The following MAPK4 variants were observed in gnomAD, a reference collection of about 807,000 sequenced individuals.
MAPK4 encodes Erk3-related.
In MAPK4, 22 loss-of-function variants were observed where a neutral mutation model predicts 47.7. That is an observed-to-expected ratio of 0.46 (90% CI 0.33 to 0.66). MAPK4 has a LOEUF of 0.66. Ranked by LOEUF, MAPK4 falls within the 30% of genes least tolerant of loss-of-function variation. The pLI is 0.02. For missense variants in MAPK4, 736 were observed against 831.7 expected (o/e 0.88, Z 1.42); for synonymous variants, 390 against 365.7 (o/e 1.07, Z -0.76).
At position 50,678,555 on chromosome 18, in the gene MAPK4, C is replaced by T. The variant is rs891572476; in HGVS notation, c.546+14051C>T. Among the ~76,000 whole-genome samples the T allele has an allele frequency of 2.0e-5, 3 of 152,316 alleles. No homozygotes were observed. The highest frequency in any genetic ancestry group is 2.1e-4 in the South Asian group (1 of 4,820). On this transcript the variant is annotated intron_variant, in intron 2 of 5. Transcript: ENST00000400384. This position sits in a 1 kb window ranked among gnomAD's most constrained non-coding sequence, Gnocchi z 4.2. ...AGGTGTTCACTCAAGGGTCCACCAG[C>T]GACTTCCCTGTTCAGGCACTCAGAG...
intron 1 of MAPK4, among the ~76,000 whole-genome samples, chr18:50,655,108 A>G (rs1490034817): frequency 1.3e-5 from 2 of 152,176 alleles, no homozygotes; most frequent in African/African-American, 2.4e-5. Flanking sequence ...GTGTCCCCAC[A>G]GGCGTGTTCT....
At chr18:50,570,539 T>G (rs1484978248) in intron 1 of MAPK4, among the ~76,000 whole-genome samples, 1 of 152,160 alleles carries the variant, frequency 6.6e-6, no homozygotes, top group East Asian at 1.9e-4. Context: ...CCATTCAAAC[T>G]GGACCCCAAA....
At chr18:50,726,303 T>C in intron 5 of MAPK4, 128 bp downstream of exon 5, 1 of 845,498 alleles carries the variant, frequency 1.2e-6, no homozygotes, top group Non-Finnish European at 1.9e-6. Flanking sequence ...TTCTCCAGCT[T>C]AGCTTCCTGC....
chr18:50,610,135 G>A (rs1214125028), intron 1 of MAPK4, among the ~76,000 whole-genome samples: 2 of 152,232 alleles, frequency 1.3e-5, no homozygotes, highest in Non-Finnish European at 2.9e-5. Flanking sequence ...CTTTAGCAGA[G>A]TTTAAGGAGG....
chr18:50,633,723 G>A (rs1443165181), intron 1 of MAPK4, among the ~76,000 whole-genome samples: 3 of 152,214 alleles, frequency 2.0e-5, no homozygotes, highest in African/African-American at 7.2e-5. Flanking sequence ...AAGTCCTGGA[G>A]GGCAGGGACT....
intron 1 of MAPK4, among the ~76,000 whole-genome samples, chr18:50,633,794 G>T (rs1166869491): frequency 6.6e-6 from 1 of 152,164 alleles, no homozygotes; most frequent in Admixed American, 6.5e-5. Flanking sequence ...ATGAGCTGCC[G>T]TGTGTCGGTT....
chr18:50,707,447 G>C (rs1339362480), intron 2 of MAPK4, among the ~76,000 whole-genome samples: 1 of 151,870 alleles, frequency 6.6e-6, no homozygotes, highest in East Asian at 1.9e-4. Flanking sequence ...GCCCGCACCT[G>C]TAGTCCCAGT....
At chr18:50,677,531 G>A (rs1908342366) in intron 2 of MAPK4, among the ~76,000 whole-genome samples, 1 of 151,842 alleles carries the variant, frequency 6.6e-6, no homozygotes, top group African/African-American at 2.4e-5. Flanking sequence ...GCTCTGAGGT[G>A]CCCACTGTGT....
intron 2 of MAPK4, among the ~76,000 whole-genome samples, chr18:50,686,832 C>T (rs967174446): frequency 1.2e-4 from 19 of 152,190 alleles, no homozygotes; most frequent in Admixed American, 1.0e-3. Context: ...AGATTCTGAG[C>T]AGTGAGACCA....
chr18:50,599,842 T>C (rs1168083142), intron 1 of MAPK4, among the ~76,000 whole-genome samples: 1 of 152,244 alleles, frequency 6.6e-6, no homozygotes, highest in South Asian at 2.1e-4. Flanking sequence ...TTTTCTGCTT[T>C]CCTGAGGAGT....
At chr18:50,615,433 C>T (rs1213465940) in intron 1 of MAPK4, among the ~76,000 whole-genome samples, 1 of 152,160 alleles carries the variant, frequency 6.6e-6, no homozygotes, top group African/African-American at 2.4e-5. Flanking sequence ...GAGATATTGT[C>T]CTCATGGGCA....
At chr18:50,696,239 C>CA (rs58028751) in intron 2 of MAPK4, among the ~76,000 whole-genome samples, 2,785 of 152,238 alleles carry the variant, frequency 0.018, 92 homozygotes, top group African/African-American at 0.063. Flanking sequence ...TTTGCTATTA[C>CA]AAAAAATCAA....
chr18:50,609,493 A>G (rs1339808735), intron 1 of MAPK4, among the ~76,000 whole-genome samples: 3 of 152,134 alleles, frequency 2.0e-5, no homozygotes, highest in Non-Finnish European at 4.4e-5. Context: ...CACACAGTCA[A>G]GGAGAGGCTC....
chr18:50,694,112 A>C (rs1444973217), intron 2 of MAPK4, among the ~76,000 whole-genome samples: 2 of 152,248 alleles, frequency 1.3e-5, no homozygotes, highest in Non-Finnish European at 2.9e-5. Flanking sequence ...ATTTCTATCC[A>C]AAATGACTAA....
At chr18:50,689,974 G>T in intron 2 of MAPK4, among the ~76,000 whole-genome samples, 1 of 152,266 alleles carries the variant, frequency 6.6e-6, no homozygotes, top group Non-Finnish European at 1.5e-5. Flanking sequence ...CCTAGAATCT[G>T]GTCATCCTTA....
At chr18:50,672,137 T>C (rs940672427) in intron 2 of MAPK4, among the ~76,000 whole-genome samples, 1 of 152,134 alleles carries the variant, frequency 6.6e-6, no homozygotes, top group African/African-American at 2.4e-5. Flanking sequence ...ATAGTGCAGA[T>C]GGCAACCCAC....
intron 1 of MAPK4, among the ~76,000 whole-genome samples, chr18:50,650,500 C>A (rs141713597): frequency 5.3e-4 from 80 of 152,342 alleles, no homozygotes; most frequent in African/African-American, 1.9e-3. Context: ...TATTCACTGT[C>A]TTGGTTACAC....
intron 1 of MAPK4, among the ~76,000 whole-genome samples, chr18:50,570,038 T>C (rs1276714173): frequency 6.6e-6 from 1 of 152,258 alleles, no homozygotes; most frequent in Non-Finnish European, 1.5e-5. Flanking sequence ...CTCATCCAGC[T>C]TTCTTTGTTG....
chr18:50,651,280 C>T (rs1044093908), intron 1 of MAPK4, among the ~76,000 whole-genome samples: 1 of 152,130 alleles, frequency 6.6e-6, no homozygotes, highest in African/African-American at 2.4e-5. Context: ...GTCGGTGGAG[C>T]CTCATGCCTT....
Sources: gnomAD v4.1 joint callset for allele counts (sites outside exome capture counted in the v4.1 genomes callset) on GRCh38, gnomAD v4.1.1 for gene constraint, Gnocchi (gnomAD v3.1) non-coding constraint, MANE v1.5 for transcripts, NCBI Gene and HGNC (gene_info 2026-07-23, HGNC 2026-07-21) for gene names.